Variants in MED12L observed in about 807,000 individuals in gnomAD.
The protein encoded by MED12L is mediator complex subunit 12L.
MED12L carries 60 observed loss-of-function variants against 281.3 expected under a neutral mutation model. The ratio of observed to expected loss-of-function variants is 0.21; its 90% CI spans 0.17 to 0.26. MED12L has a LOEUF of 0.26. Among genes scored for constraint, MED12L ranks in the 10% least tolerant of loss-of-function variants. MED12L has a pLI of 1.00. For missense variants in MED12L, 2,146 were observed against 2,680.9 expected, an observed-to-expected ratio of 0.80 and a Z score of 4.41; for synonymous variants, 974 against 987.2, an observed-to-expected ratio of 0.99 and a Z score of 0.25.
intron 16 of MED12L, among the ~76,000 whole-genome samples, chr3:151,246,182 A>G (rs1735418197): frequency 6.6e-6 from 1 of 152,230 alleles, no homozygotes; most frequent in South Asian, 2.1e-4. Context: ...TATCGTGAAA[A>G]TGGCCATACT....
intron 2 of MED12L, among the ~76,000 whole-genome samples, chr3:151,103,551 G>A (rs937941435): frequency 1.3e-5 from 2 of 152,162 alleles, no homozygotes; most frequent in African/African-American, 4.8e-5. Context: ...TGAATTTACT[G>A]AGTAGTCAGT....
At chr3:151,230,585 T>G (rs1399146091) in intron 16 of MED12L, among the ~76,000 whole-genome samples, 4 of 150,932 alleles carry the variant, frequency 2.7e-5, no homozygotes, top group Non-Finnish European at 4.4e-5. Context: ...TTTTTTTTTT[T>G]GAATGCACTT....
intron 16 of MED12L, chr3:151,337,846 C>G: frequency 6.2e-7 from 1 of 1,614,042 alleles, no homozygotes; most frequent in Non-Finnish European, 8.5e-7. Context: ...TTTGGGTCAC[C>G]ACCATCCTGT....
intron 26 of MED12L, among the ~76,000 whole-genome samples, chr3:151,369,999 C>T (rs984369138): frequency 5.3e-5 from 8 of 152,078 alleles, no homozygotes; most frequent in African/African-American, 1.2e-4. Flanking sequence ...TGACCCTGAA[C>T]GAGTATATTT....
At chr3:151,206,020 G>A (rs933717142) in intron 16 of MED12L, among the ~76,000 whole-genome samples, 2 of 151,356 alleles carry the variant, frequency 1.3e-5, no homozygotes, top group Non-Finnish European at 2.9e-5. Flanking sequence ...CTCCAGTTCA[G>A]CCCTCTCTCT....
At chr3:151,137,711 T>C (rs1716358866) in intron 5 of MED12L, among the ~76,000 whole-genome samples, 1 of 152,234 alleles carries the variant, frequency 6.6e-6, no homozygotes, top group African/African-American at 2.4e-5. Flanking sequence ...AATCAAATGA[T>C]TTCTAGTAAA....
At chr3:151,236,322 AT>A (rs1732786073) in intron 16 of MED12L, among the ~76,000 whole-genome samples, 1 of 152,252 alleles carries the variant, frequency 6.6e-6, no homozygotes, top group African/African-American at 2.4e-5. Flanking sequence ...TTCAATGTGC[AT>A]AGTAGATTAA....
intron 2 of MED12L, among the ~76,000 whole-genome samples, chr3:151,111,852 G>C (rs982197176): frequency 6.6e-6 from 1 of 152,160 alleles, no homozygotes; most frequent in East Asian, 1.9e-4. Context: ...AGAGGAGTTA[G>C]TTGGTTGTGG....
intron 17 of MED12L, 110 bp from the exon 18 acceptor site, chr3:151,355,011 A>AT: frequency 5.3e-6 from 4 of 759,918 alleles, no homozygotes; most frequent in Non-Finnish European, 9.1e-6. Flanking sequence ...AATTCATAGA[A>AT]TTTGTGCACT....
chr3:151,155,373 G>T (rs1371227149), intron 5 of MED12L, among the ~76,000 whole-genome samples: 1 of 152,184 alleles, frequency 6.6e-6, no homozygotes, highest in Non-Finnish European at 1.5e-5. Flanking sequence ...AGACATTTTT[G>T]AACAATTTCA....
At chr3:151,097,585 G>T (rs140988786) in intron 2 of MED12L, among the ~76,000 whole-genome samples, 3 of 152,202 alleles carry the variant, frequency 2.0e-5, no homozygotes, top group Non-Finnish European at 2.9e-5. Context: ...TAGTCCCAGT[G>T]CCCCAGGCCT....
chr3:151,304,350 G>C (rs1370610437), intron 16 of MED12L, among the ~76,000 whole-genome samples: 2 of 152,150 alleles, frequency 1.3e-5, no homozygotes, highest in Admixed American at 1.3e-4. Context: ...GAGGCTGGTG[G>C]ATCACCTGAG....
intron 3 of MED12L, among the ~76,000 whole-genome samples, chr3:151,122,481 C>T (rs1262560695): frequency 6.6e-6 from 1 of 152,154 alleles, no homozygotes; most frequent in East Asian, 1.9e-4. Context: ...AGGATTAAAG[C>T]AGAACCCATT....
chr3:151,374,229 T>C (rs2108039627), intron 27 of MED12L, among the ~76,000 whole-genome samples: 1 of 150,380 alleles, frequency 6.6e-6, no homozygotes, highest in East Asian at 2.0e-4. Context: ...TGTCAAAAAA[T>C]GATTAATTAA....
chr3:151,367,729 C>T lies in MED12L; in HGVS notation c.3411C>T (p.Val1137=), dbSNP rs201284566. 3.0e-5 allele frequency: 49 copies of T among 1,611,324 alleles called. No individual in the cohort carries two copies. Among genetic ancestry groups the T allele is most frequent in the South Asian group, 1.2e-4 (11 of 90,846 alleles). Residue 1137 remains valine, a synonymous_variant, in exon 24 of 45, where the codon GTC becomes GTT. Transcript: ENST00000687756. ...GACAGTGTTTTTCCCTGGAGGACGT[C>T]GTGCAGCATGTCGCACTTCCCTCTC... The part of the protein sequence containing the change: ...IARQCFSLED[V]VQHVALPSLL...
rs1213706007 is a variant in MED12L, at chr3:151,219,904, C to T, written c.2250+26238C>T. Among the ~76,000 whole-genome samples, 3 of 90,542 alleles carry T rather than the reference C, an allele frequency of 3.3e-5. No homozygotes were observed. The East Asian group carries it at 1.1e-3, about 35-fold the overall frequency. The allele number at this position is 90,542 out of a possible 152,430, so 59.4% of individuals were successfully genotyped here. On this transcript the variant is annotated intron_variant, in intron 16 of 44. Coordinates refer to ENST00000687756, the MANE Select transcript of MED12L (RefSeq NM_001393769.1). ...TTGGTTTATATTACCCCCCCCCCCCCCTTGGATATGGATGATCGAATCAAT... is the reference window on the plus strand; with the variant it reads ...TTGGTTTATATTACCCCCCCCCCCCTCTTGGATATGGATGATCGAATCAAT...
At position 151,224,250 on chromosome 3, in the gene MED12L, TC is replaced by T. The variant is rs201879893; in HGVS notation, c.2250+30586del. On this transcript the variant is annotated intron_variant, in intron 16 of 44. Transcript: ENST00000687756. ...AGGTACAACTTTTATATATTTTTTT[TC>T]CTTCCTTTCAGTCCAGACATCAAAA... Among the ~76,000 whole-genome samples the T allele has an allele frequency of 8.5e-3, 1,290 of 152,292 alleles. 20 individuals are homozygous for T. Among genetic ancestry groups the T allele is most frequent in the African/African-American group, 0.029 (1,211 of 41,556 alleles).
chr3:151,187,401 G>C (rs1459587663), intron 12 of MED12L, among the ~76,000 whole-genome samples: 2 of 151,938 alleles, frequency 1.3e-5, no homozygotes, highest in Admixed American at 1.3e-4. Context: ...AATTTTAATA[G>C]CCTAAATGTA....
chr3:151,122,631 T>G, intron 3 of MED12L, 152 bp from the exon 4 acceptor site: 1 of 548,162 alleles, frequency 1.8e-6, no homozygotes, highest in Middle Eastern at 4.9e-4. Context: ...GGAAATCACA[T>G]CTCTTGGCTT....
Sources: gnomAD v4.1 joint callset for allele counts (sites outside exome capture counted in the v4.1 genomes callset) on GRCh38, gnomAD v4.1.1 for gene constraint, MANE v1.5 for transcripts, NCBI Gene and HGNC (gene_info 2026-07-23, HGNC 2026-07-21) for gene names.